Variants in VPS37C observed in about 807,000 individuals in gnomAD.
VPS37C encodes vacuolar protein sorting-associated protein 37C.
VPS37C carries 9 observed loss-of-function variants against 16.1 expected under a neutral mutation model. The ratio of observed to expected loss-of-function variants is 0.56; its 90% CI spans 0.34 to 0.97. VPS37C has a LOEUF of 0.97. Among genes scored for constraint, VPS37C ranks in the 50% least tolerant of loss-of-function variants. The pLI, the probability that VPS37C is intolerant of heterozygous loss-of-function variation, is 0.02. For missense variants in VPS37C, 479 were observed against 472.7 expected (o/e 1.01, Z -0.12); for synonymous variants, 207 against 206.4 (o/e 1.00, Z -0.02).
Position 61,131,539 on chromosome 11 carries a change from C to G in VPS37C, c.*281G>C. 1 of 378,840 alleles carries G rather than the reference C, an allele frequency of 2.6e-6. No individual in the cohort carries two copies. Among genetic ancestry groups the G allele is most frequent in the Non-Finnish European group, 4.6e-6 (1 of 216,612 alleles). 23.5% of individuals were successfully genotyped at this position (378,840 alleles called of 1,614,324 possible). A position where few individuals can be genotyped will look rare whatever the true frequency, so the allele number is the denominator to read the frequency against. On this transcript the variant is annotated 3_prime_UTR_variant, in exon 5 of 5. Coordinates refer to ENST00000301765, the MANE Select transcript of VPS37C (RefSeq NM_017966.5). The stretch of plus-strand genomic sequence containing the variant: ...ATAAATGCGCACATGCGCTCACTCA[C>G]ACAGACACCGGCGAGAGGTGCTGGA...
intron 1 of VPS37C, among the ~76,000 whole-genome samples, chr11:61,142,770 C>A (rs1394981721): frequency 8.1e-6 from 1 of 123,342 alleles, no homozygotes; most frequent in African/African-American, 3.3e-5. Context: ...ACTTTGAGAG[C>A]CACTGGTCTA....
chr11:61,131,891 G>A lies in VPS37C; in HGVS notation c.997C>T (p.Pro333Ser), dbSNP rs1270758974. Residue 333 changes from proline to serine, a missense_variant, in exon 5 of 5, where the codon CCT (proline) becomes TCT (serine). Transcript: ENST00000301765. The stretch of plus-strand genomic sequence containing the variant: ...GGAGGGGCGGGCCCGGGGGGATAAG[G>A]GGGCTGCAGGGGCACTGAGGGCTGG... ...QPQPSVPLQP[P>S]YPPGPAPPYG... 7.8e-7 allele frequency: 1 copy of A among 1,278,734 alleles called. No individual in the cohort carries two copies. Among genetic ancestry groups the A allele is most frequent in the South Asian group, 3.3e-5 (1 of 30,478 alleles). The allele number at this position is 1,278,734 out of a possible 1,614,324, so 79.2% of individuals were successfully genotyped here. A position where few individuals can be genotyped will look rare whatever the true frequency, so the allele number is the denominator to read the frequency against.
At position 61,132,032 on chromosome 11, in the gene VPS37C, AG is replaced by A; in HGVS notation, c.855del (p.Leu286CysfsTer152). ...TPMGASGPGY[P>X]LRGGRAPSPG... Reference sequence around the variant, plus strand: ...GGACTGGGGGCCCTGCCTCCCCGCAAGGGGTACCCAGGCCCAGAGGCACCCA... The same window carrying A: ...GGACTGGGGGCCCTGCCTCCCCGCAAGGGTACCCAGGCCCAGAGGCACCCA... On this transcript the variant is annotated frameshift_variant, in exon 5 of 5. Transcript: ENST00000301765. LOFTEE classifies it low-confidence loss of function (END_TRUNC). 1 of 1,376,486 alleles carries A rather than the reference AG, an allele frequency of 7.3e-7. No homozygotes were observed. Among genetic ancestry groups the A allele is most frequent in the Non-Finnish European group, 9.4e-7 (1 of 1,061,076 alleles). The allele number at this position is 1,376,486 out of a possible 1,614,324, so 85.3% of individuals were successfully genotyped here.
intron 1 of VPS37C, among the ~76,000 whole-genome samples, chr11:61,157,728 G>A (rs576305773): frequency 2.6e-5 from 4 of 152,276 alleles, no homozygotes; most frequent in South Asian, 2.1e-4. Flanking sequence ...GGCTAAAAGG[G>A]TCTTTTCATG....
chr11:61,140,144 C>T (rs951228202), intron 1 of VPS37C, among the ~76,000 whole-genome samples: 7 of 152,168 alleles, frequency 4.6e-5, no homozygotes, highest in Non-Finnish European at 2.9e-5. Context: ...CCACCTGCAC[C>T]AGCACTCAGC....
intron 1 of VPS37C, among the ~76,000 whole-genome samples, chr11:61,148,646 C>T (rs1853252459): frequency 6.6e-6 from 1 of 151,418 alleles, no homozygotes; most frequent in Admixed American, 6.6e-5. Flanking sequence ...ACTGAACTGA[C>T]TTTCCCCACA....
chr11:61,154,584 C>T (rs10219346), intron 1 of VPS37C, among the ~76,000 whole-genome samples: 5,301 of 151,876 alleles, frequency 0.035, 318 homozygotes, highest in African/African-American at 0.12. Context: ...AGCTATGGAG[C>T]AACCTCTAGC....
intron 1 of VPS37C, among the ~76,000 whole-genome samples, chr11:61,154,861 T>C (rs558161163): frequency 1.3e-5 from 2 of 152,252 alleles, no homozygotes; most frequent in East Asian, 3.9e-4. Flanking sequence ...TCTCAGCACT[T>C]TGGAAGGCCG....
chr11:61,136,544 A>C (rs1861378098), intron 2 of VPS37C, among the ~76,000 whole-genome samples: 1 of 152,216 alleles, frequency 6.6e-6, no homozygotes, highest in African/African-American at 2.4e-5. Flanking sequence ...ATATGCATCA[A>C]TTTAGAAAAT....
chr11:61,158,462 A>T (rs1188274707), intron 1 of VPS37C, among the ~76,000 whole-genome samples: 1 of 152,258 alleles, frequency 6.6e-6, no homozygotes, highest in Non-Finnish European at 1.5e-5. Flanking sequence ...ACCAAGACAG[A>T]CCACAGAAGA....
intron 1 of VPS37C, among the ~76,000 whole-genome samples, chr11:61,151,893 T>C (rs1371592170): frequency 6.6e-6 from 1 of 152,222 alleles, no homozygotes; most frequent in Non-Finnish European, 1.5e-5. Context: ...CGGCAAGGCC[T>C]CTTCTTTCTT....
chr11:61,151,058 A>G (rs1853291073), intron 1 of VPS37C, among the ~76,000 whole-genome samples: 1 of 152,210 alleles, frequency 6.6e-6, no homozygotes, highest in African/African-American at 2.4e-5. Flanking sequence ...GCCTGCCCAC[A>G]GTTTCCCAGG....
Position 61,131,072 on chromosome 11 carries a change from C to T in VPS37C, c.*748G>A, listed in dbSNP as rs1288226264. 1 of 279,398 alleles carries T rather than the reference C, an allele frequency of 3.6e-6. No individual in the cohort carries two copies. The highest frequency in any genetic ancestry group is 6.8e-6 in the Non-Finnish European group (1 of 146,400). The allele number at this position is 279,398 out of a possible 1,614,324, so 17.3% of individuals were successfully genotyped here. On this transcript the variant is annotated 3_prime_UTR_variant, in exon 5 of 5. Coordinates refer to ENST00000301765, the MANE Select transcript of VPS37C (RefSeq NM_017966.5). ...CCCAATGTGACCACAATCTCCAGGG[C>T]TAGAGCTGCCCGCTTCCCTCTGGCC... is the stretch of plus-strand genomic sequence containing the variant.
chr11:61,139,243 T>C (rs1434459887), intron 1 of VPS37C, among the ~76,000 whole-genome samples: 1 of 152,164 alleles, frequency 6.6e-6, no homozygotes, highest in African/African-American at 2.4e-5. Flanking sequence ...CTGGTAGGTG[T>C]CTATTTCTGT....
At chr11:61,161,196 C>G (rs576499833) in intron 1 of VPS37C, 195 bp downstream of exon 1, 2 of 151,824 alleles carry the variant, frequency 1.3e-5, no homozygotes, top group African/African-American at 4.8e-5. Flanking sequence ...CTCCCTCCCT[C>G]CCTCCCACCG....
chr11:61,133,935 T>G (rs1009126155), intron 3 of VPS37C, 101 bp downstream of exon 3: 2 of 1,404,252 alleles, frequency 1.4e-6, no homozygotes, highest in Admixed American at 2.3e-5. Flanking sequence ...ATGGCTGTTG[T>G]GAAAAAATAT....
intron 2 of VPS37C, among the ~76,000 whole-genome samples, chr11:61,135,376 T>C (rs1275376198): frequency 2.6e-5 from 4 of 152,216 alleles, no homozygotes; most frequent in Admixed American, 2.6e-4. Context: ...CCCTGAGCCC[T>C]CCAGACAAGG....
chr11:61,132,773 T>C lies in VPS37C; in HGVS notation c.349-234A>G, dbSNP rs1404126994. 3 of 630,386 alleles carry C rather than the reference T, an allele frequency of 4.8e-6. No homozygotes were observed. The African/African-American group carries it at 5.5e-5, about 12-fold the overall frequency. The allele number at this position is 630,386 out of a possible 1,614,324, so 39.0% of individuals were successfully genotyped here. On this transcript the variant is annotated intron_variant, in intron 4 of 4. Coordinates refer to ENST00000301765, the MANE Select transcript of VPS37C (RefSeq NM_017966.5). Reference sequence around the variant, plus strand: ...ACTGTCTCTGTCGTGGTCACCTCTGTCCTGGCACCTTGGCATCATGCCAGG... The same window carrying C: ...ACTGTCTCTGTCGTGGTCACCTCTGCCCTGGCACCTTGGCATCATGCCAGG...
chr11:61,132,583 A>G (rs1359701773), intron 4 of VPS37C, 44 bp from the exon 5 acceptor site: 1 of 1,523,762 alleles, frequency 6.6e-7, no homozygotes, highest in Non-Finnish European at 8.8e-7. Flanking sequence ...AGCTGGGATC[A>G]AGGCCTCTTG....
Sources: allele counts gnomAD v4.1 joint callset (sites outside exome capture counted in the v4.1 genomes callset), GRCh38; gene constraint gnomAD v4.1.1; transcripts MANE v1.5; gene names NCBI Gene and HGNC (gene_info 2026-07-23, HGNC 2026-07-21).